Variants in ABTB2 observed in about 807,000 individuals in gnomAD.
ABTB2 encodes the protein ankyrin repeat and BTB domain containing 2.
Under a neutral mutation model 104.1 loss-of-function variants are expected in ABTB2, and 56 were observed. That is an observed-to-expected ratio of 0.54 (90% CI 0.43 to 0.67). ABTB2 has a LOEUF of 0.67. Among genes scored for constraint, ABTB2 ranks in the 30% least tolerant of loss-of-function variants. ABTB2 has a pLI of 0.00. For missense variants in ABTB2, 1,279 were observed against 1,407.7 expected, an observed-to-expected ratio of 0.91 and a Z score of 1.46; for synonymous variants, 606 against 608.2, an observed-to-expected ratio of 1.00 and a Z score of 0.05.
At position 34,229,279 on chromosome 11, in the gene ABTB2, A is replaced by C. The variant is rs2957526; in HGVS notation, c.884-24589T>G. ...GGGCGGATCACAAAGTCAGGAGATCAAGACCATCCTGGCTAACACGATGAA... is the reference window on the plus strand; with the variant it reads ...GGGCGGATCACAAAGTCAGGAGATCCAGACCATCCTGGCTAACACGATGAA... On this transcript the variant is annotated intron_variant, in intron 1 of 16. Coordinates refer to ENST00000435224, the MANE Select transcript of ABTB2 (RefSeq NM_145804.3). 1.8e-3 allele frequency among the ~76,000 whole-genome samples: 268 copies of C among 151,898 alleles called. 1 individual carries two copies. The highest frequency in any genetic ancestry group is 6.1e-3 in the African/African-American group (252 of 41,444).
At chr11:34,344,306 G>C (rs1464519420) in intron 1 of ABTB2, among the ~76,000 whole-genome samples, 1 of 152,214 alleles carries the variant, frequency 6.6e-6, no homozygotes, top group South Asian at 2.1e-4. Context: ...AAAGAAGCTG[G>C]AAAGCAAAAT....
At chr11:34,164,933 T>A in intron 8 of ABTB2, 112 bp from the exon 9 acceptor site, 2 of 1,307,690 alleles carry the variant, frequency 1.5e-6, no homozygotes, top group Non-Finnish European at 2.1e-6. Flanking sequence ...CTGGAATAAG[T>A]CAGTAAACCC....
chr11:34,332,336 C>T (rs1590259451), intron 1 of ABTB2, among the ~76,000 whole-genome samples: 1 of 152,180 alleles, frequency 6.6e-6, no homozygotes, highest in South Asian at 2.1e-4. Context: ...TCTCCCTTCT[C>T]CTCCATGAAG....
chr11:34,232,451 A>AAAAAAAAAC (rs1853782136), intron 1 of ABTB2, among the ~76,000 whole-genome samples: 1 of 139,538 alleles, frequency 7.2e-6, no homozygotes, highest in Non-Finnish European at 1.5e-5. Context: ...CTCTGTCTCA[A>AAAAAAAAAC]AAAAAAAAAA....
rs537537118 is a variant in ABTB2 at position 34,291,489 on chromosome 11, A to G, written c.883+65212T>C. Among the ~76,000 whole-genome samples the G allele has an allele frequency of 2.0e-5, 3 of 152,262 alleles. No homozygotes were observed. The South Asian group carries it at 6.2e-4, about 32-fold the overall frequency. ...ACTGAAAACTATCCTTCTAACTGAT[A>G]AGTTTATTTTTATTTTTATTTTTTA... On this transcript the variant is annotated intron_variant, in intron 1 of 16. Coordinates refer to ENST00000435224, the MANE Select transcript of ABTB2 (RefSeq NM_145804.3).
Position 34,154,217 on chromosome 11 carries a change from A to G in ABTB2, c.2880+48T>C. On this transcript the variant is annotated intron_variant, in intron 16 of 16. Coordinates refer to ENST00000435224, the MANE Select transcript of ABTB2 (RefSeq NM_145804.3). This position sits in a 1 kb window ranked among gnomAD's most constrained non-coding sequence, Gnocchi z 4.9. ...AGCCACACGGCCGAGGCCCCCGTGG[A>G]GCAGAGCATGTGGTGGGAGGTGGCC... 2 of 1,462,926 alleles carry G rather than the reference A, an allele frequency of 1.4e-6. No homozygotes were observed. Among genetic ancestry groups the G allele is most frequent in the Non-Finnish European group, 1.9e-6 (2 of 1,045,892 alleles). The allele number at this position is 1,462,926 out of a possible 1,614,324, so 90.6% of individuals were successfully genotyped here.
chr11:34,328,883 C>A (rs1485482071), intron 1 of ABTB2, among the ~76,000 whole-genome samples: 1 of 152,108 alleles, frequency 6.6e-6, no homozygotes, highest in Admixed American at 6.5e-5. Context: ...TGATTAAAAG[C>A]AAAAATCTAC....
At chr11:34,167,453 C>G (rs1205200649) in intron 6 of ABTB2, 93 bp from the exon 7 acceptor site, 2 of 1,004,450 alleles carry the variant, frequency 2.0e-6, no homozygotes, top group East Asian at 5.3e-5. Context: ...CAAGTGCTTT[C>G]TACATTCGAT....
chr11:34,347,859 C>T (rs1855351479), intron 1 of ABTB2, among the ~76,000 whole-genome samples: 1 of 152,198 alleles, frequency 6.6e-6, no homozygotes, highest in East Asian at 1.9e-4. Context: ...AGTCGAATAT[C>T]GTATACATCA....
rs1485539028 is a variant in ABTB2, at chr11:34,204,644, G to T, written c.930C>A (p.Ser310=). The T allele has an allele frequency of 1.2e-6, 2 of 1,611,748 alleles. No individual in the cohort carries two copies. Among genetic ancestry groups the T allele is most frequent in the Non-Finnish European group, 1.7e-6 (2 of 1,179,056 alleles). Residue 310 remains serine, a synonymous_variant, in exon 2 of 17, where the codon TCC becomes TCA. Coordinates refer to ENST00000435224, the MANE Select transcript of ABTB2 (RefSeq NM_145804.3). ...PAYFSPYNGG[S]LGHDERADAY... Reference sequence around the variant, plus strand: ...CATCGGCTCGCTCGTCATGGCCCAGGGACCCGCCGTTGTAGGGGCTGAAGT... The same window carrying T: ...CATCGGCTCGCTCGTCATGGCCCAGTGACCCGCCGTTGTAGGGGCTGAAGT...
Position 34,356,895 on chromosome 11 carries a change from G to C in ABTB2, c.689C>G (p.Ser230Cys). 6.2e-7 allele frequency: 1 copy of C among 1,603,702 alleles called. No homozygotes were observed. Among genetic ancestry groups the C allele is most frequent in the Admixed American group, 1.7e-5 (1 of 58,466 alleles). The change falls in exon 1 of 17, where the codon TCC (serine) becomes TGC (cysteine). Residue 230 changes from serine to cysteine, a missense_variant. By Grantham distance (112) the Ser-to-Cys change is moderately radical. Coordinates refer to ENST00000435224, the MANE Select transcript of ABTB2 (RefSeq NM_145804.3). This position sits in a 1 kb window ranked among gnomAD's most constrained non-coding sequence, Gnocchi z 4.6. The part of the protein sequence containing the change: ...SVRIHEYAAI[S>C]LTACMENLVE... ...CAGGTTCTCCATGCAGGCGGTGAGG[G>C]AGATGGCTGCGTACTCGTGGATGCG...
At chr11:34,206,084 G>C (rs1853404346) in intron 1 of ABTB2, among the ~76,000 whole-genome samples, 1 of 152,178 alleles carries the variant, frequency 6.6e-6, no homozygotes. Flanking sequence ...TAAGGGCCAG[G>C]CACAGTGGAT....
At position 34,167,984 on chromosome 11, in the gene ABTB2, C is replaced by G; in HGVS notation, c.1572G>C (p.Thr524=). The part of the protein sequence containing the change: ...GVNTMDDQGM[T]PLMYACAAGD... ...CAGCAGCGCAGGCGTACATCAGTGG[C>G]GTCATACCCTGAGCAAATCAAATGC... The change falls in exon 6 of 17, where the codon ACG becomes ACC. Residue 524 remains threonine (T), a synonymous_variant. Transcript: ENST00000435224. 2 of 1,614,066 alleles carry G rather than the reference C, an allele frequency of 1.2e-6. No homozygotes were observed. The highest frequency in any genetic ancestry group is 1.7e-6 in the Non-Finnish European group (2 of 1,179,994).
At chr11:34,287,110 G>A (rs1564924063) in intron 1 of ABTB2, among the ~76,000 whole-genome samples, 1 of 151,680 alleles carries the variant, frequency 6.6e-6, no homozygotes, top group Non-Finnish European at 1.5e-5. Context: ...ACTTCGGGAG[G>A]CTGAGGTGGG....
At chr11:34,330,627 C>T (rs749092074) in intron 1 of ABTB2, among the ~76,000 whole-genome samples, 2 of 152,174 alleles carry the variant, frequency 1.3e-5, no homozygotes, top group African/African-American at 2.4e-5. Flanking sequence ...GGGGTAAAGG[C>T]AATAAACTTA....
intron 14 of ABTB2, among the ~76,000 whole-genome samples, chr11:34,158,230 T>C (rs1424245886): frequency 6.6e-6 from 1 of 152,096 alleles, no homozygotes; most frequent in Non-Finnish European, 1.5e-5. Context: ...CTGGCTAACA[T>C]GGTAAATCCC....
intron 1 of ABTB2, among the ~76,000 whole-genome samples, chr11:34,243,455 C>G (rs1853946740): frequency 6.6e-6 from 1 of 152,088 alleles, no homozygotes. Context: ...ATCTCTTAAC[C>G]CTACTAAACC....
chr11:34,335,721 A>G, intron 1 of ABTB2: 1 of 1,396,614 alleles, frequency 7.2e-7, no homozygotes, highest in African/African-American at 1.4e-5. Flanking sequence ...AAGTTTTATA[A>G]AGCAGGCTTT....
intron 1 of ABTB2, among the ~76,000 whole-genome samples, chr11:34,244,944 G>C (rs995170039): frequency 6.9e-6 from 1 of 145,604 alleles, no homozygotes; most frequent in Non-Finnish European, 1.5e-5. Context: ...GGAAGTCAAG[G>C]CTGGATTAAG....
Sources: allele counts gnomAD v4.1 joint callset (sites outside exome capture counted in the v4.1 genomes callset), GRCh38; gene constraint gnomAD v4.1.1; non-coding constraint Gnocchi (gnomAD v3.1); transcripts MANE v1.5; gene names NCBI Gene and HGNC (gene_info 2026-07-23, HGNC 2026-07-21).